The following NUCB1 variants were observed in gnomAD, a reference collection of about 807,000 sequenced individuals.
NUCB1 encodes the protein nucleobindin 1, also known as nucleobindin-1.
Under a neutral mutation model 61.2 loss-of-function variants are expected in NUCB1, and 47 were observed. The observed-to-expected ratio is 0.77, with a 90% CI of 0.61 to 0.98. The LOEUF is 0.98. Among genes scored for constraint, NUCB1 ranks in the 50% least tolerant of loss-of-function variants. The pLI is 0.00. For synonymous variants in NUCB1, 234 were observed against 243.1 expected, an observed-to-expected ratio of 0.96 and a Z score of 0.35; for missense variants, 583 against 605.3, an observed-to-expected ratio of 0.96 and a Z score of 0.39.
At position 48,900,925 on chromosome 19, in the gene NUCB1, G is replaced by C. The variant is rs773180446; in HGVS notation, c.129G>C (p.Glu43Asp). The change falls in exon 2 of 13, where the codon GAG (glutamate) becomes GAC (aspartate). Residue 43 changes from glutamate to aspartate, a missense_variant. Glu to Asp is a conservative substitution (Grantham distance 45). Transcript: ENST00000405315. ...ACAAGGAGGAGACCCCTGCGACTGA[G>C]AGTCCCGTGAGTGGCCCTGCCCTGC... is the stretch of plus-strand genomic sequence containing the variant. The part of the protein sequence containing the change: ...APNKEETPAT[E>D]SPDTGLYYHR... 6.2e-7 allele frequency: 1 copy of C among 1,613,772 alleles called. No homozygotes were observed. The highest frequency in any genetic ancestry group is 1.3e-5 in the African/African-American group (1 of 74,938).
At chr19:48,901,844 C>T (rs2037356230) in intron 2 of NUCB1, among the ~76,000 whole-genome samples, 1 of 152,200 alleles carries the variant, frequency 6.6e-6, no homozygotes, top group Non-Finnish European at 1.5e-5. Context: ...TTCCTGGTCC[C>T]CACGCTGCAA....
intron 5 of NUCB1, among the ~76,000 whole-genome samples, 153 bp downstream of exon 5, chr19:48,911,405 C>CTT (rs1163076168): frequency 5.7e-5 from 6 of 104,434 alleles, no homozygotes; most frequent in East Asian, 2.8e-4. Flanking sequence ...CTTTTCTTTT[C>CTT]TTTTTTTTTT....
At chr19:48,911,695 C>T (rs2037475831) in intron 5 of NUCB1, among the ~76,000 whole-genome samples, 1 of 151,970 alleles carries the variant, frequency 6.6e-6, no homozygotes, top group South Asian at 2.1e-4. Flanking sequence ...TGTCAGCCAC[C>T]GCACCCAGCT....
intron 7 of NUCB1, among the ~76,000 whole-genome samples, chr19:48,915,104 A>G (rs2037524166): frequency 6.6e-6 from 1 of 152,138 alleles, no homozygotes; most frequent in East Asian, 1.9e-4. Context: ...AAAAATAAAA[A>G]TTAAAAGTTA....
intron 2 of NUCB1, among the ~76,000 whole-genome samples, chr19:48,903,747 T>A (rs1443261192): frequency 7.6e-6 from 1 of 131,434 alleles, no homozygotes; most frequent in East Asian, 2.4e-4. Context: ...GATGGGCGGG[T>A]GGATGGATGG....
intron 12 of NUCB1, 106 bp downstream of exon 12, chr19:48,922,038 G>A: frequency 2.2e-6 from 2 of 907,614 alleles, no homozygotes; most frequent in Non-Finnish European, 3.3e-6. Flanking sequence ...AGGGACTGGG[G>A]GCCCAGACTC....
At chr19:48,918,902 C>T (rs1351246679) in intron 8 of NUCB1, 118 bp downstream of exon 8, 2 of 1,313,548 alleles carry the variant, frequency 1.5e-6, no homozygotes, top group Admixed American at 1.9e-5. Context: ...CAACTCCCAT[C>T]AGCCCCTGGG....
At chr19:48,909,491 C>T (rs1028302133) in intron 4 of NUCB1, among the ~76,000 whole-genome samples, 1 of 152,040 alleles carries the variant, frequency 6.6e-6, no homozygotes, top group African/African-American at 2.4e-5. Flanking sequence ...AGGTGATCCA[C>T]CCGCCTTGGC....
chr19:48,919,284 G>A lies in NUCB1; in HGVS notation c.1000G>A (p.Glu334Lys), dbSNP rs1568588707. The A allele has an allele frequency of 6.2e-7, 1 of 1,612,452 alleles. No homozygotes were observed. The highest frequency in any genetic ancestry group is 8.5e-7 in the Non-Finnish European group (1 of 1,178,584). ...GTTTGGGGACACCGGGGAGGGCTGG[G>A]AGGTGAGAACATGGGGGATACTCGG... ...KEFGDTGEGWETVEMHPAYTE... is the reference protein window; with the variant it reads ...KEFGDTGEGWKTVEMHPAYTE... The change falls in exon 10 of 13, where the codon GAG becomes AAG. Residue 334 changes from glutamate to lysine, a missense_variant and splice_region_variant. Transcript: ENST00000405315.
Position 48,911,256 on chromosome 19 carries a change from A to G in NUCB1, c.480+4A>G, listed in dbSNP as rs770136062. On this transcript the variant is annotated splice_donor_region_variant and intron_variant, in intron 5 of 12. Coordinates refer to ENST00000405315, the MANE Select transcript of NUCB1 (RefSeq NM_006184.6). ...CCTGGAGCTGCTGATCCAGACGGTAATGGGAGTGGGTCCGGAGGCAGAGGA... is the reference window on the plus strand; with the variant it reads ...CCTGGAGCTGCTGATCCAGACGGTAGTGGGAGTGGGTCCGGAGGCAGAGGA... 4 of 1,607,102 alleles carry G rather than the reference A, an allele frequency of 2.5e-6. No homozygotes were observed. Among genetic ancestry groups the G allele is most frequent in the Non-Finnish European group, 3.4e-6 (4 of 1,173,844 alleles).
At chr19:48,907,662 T>A (rs950552416) in intron 4 of NUCB1, among the ~76,000 whole-genome samples, 5 of 152,136 alleles carry the variant, frequency 3.3e-5, no homozygotes, top group African/African-American at 1.2e-4. Flanking sequence ...GGGATCAGGA[T>A]GTGGATATCT....
In NUCB1 at chr19:48,919,008, T is replaced by G. The variant is rs1387146998; in HGVS notation, c.817-22T>G. On this transcript the variant is annotated intron_variant, in intron 8 of 12. Transcript: ENST00000405315. ...TCGCTGGGGACCTCTCAATGCTGTC[T>G]GCCTCTCGCTTGCTCCTGCAGCTGG... 3 of 1,609,274 alleles carry G rather than the reference T, an allele frequency of 1.9e-6. No individual in the cohort carries two copies. The South Asian group carries it at 3.3e-5, about 18-fold the overall frequency.
At chr19:48,917,791 C>T (rs1025064611) in intron 7 of NUCB1, among the ~76,000 whole-genome samples, 8 of 150,860 alleles carry the variant, frequency 5.3e-5, no homozygotes, top group Non-Finnish European at 7.4e-5. Context: ...CCACCGCACC[C>T]GGCCCAATTT....
At chr19:48,902,438 T>TTTTTG (rs374146313) in intron 2 of NUCB1, among the ~76,000 whole-genome samples, 5 of 138,732 alleles carry the variant, frequency 3.6e-5, no homozygotes, top group African/African-American at 8.6e-5. Context: ...TTTTTTTTTT[T>TTTTTG]ATTTTTGCTG....
chr19:48,920,006 C>T (rs569063958), intron 10 of NUCB1, among the ~76,000 whole-genome samples: 19 of 151,944 alleles, frequency 1.3e-4, no homozygotes, highest in East Asian at 3.9e-4. Context: ...TGGACTCAAG[C>T]GATCCACCTG....
intron 2 of NUCB1, among the ~76,000 whole-genome samples, chr19:48,901,964 T>C (rs2122159934): frequency 6.6e-6 from 1 of 152,278 alleles, no homozygotes; most frequent in South Asian, 2.1e-4. Flanking sequence ...GAGCCGGGCA[T>C]AGTGTTGCCT....
intron 4 of NUCB1, among the ~76,000 whole-genome samples, chr19:48,909,604 C>T (rs1465460530): frequency 1.4e-4 from 21 of 151,984 alleles, no homozygotes; most frequent in Middle Eastern, 3.2e-3. Context: ...TGCAGTGGTG[C>T]GATCTCGGCT....
rs758814032 is a variant in NUCB1 at position 48,921,179 on chromosome 19, C to T, written c.1028C>T (p.Thr343Ile). The change falls in exon 11 of 13, where the codon ACC becomes ATC. Residue 343 changes from threonine to isoleucine, a missense_variant. Thr to Ile is a moderately conservative substitution (Grantham distance 89, BLOSUM62 -1). Coordinates refer to ENST00000405315, the MANE Select transcript of NUCB1 (RefSeq NM_006184.6). ...WETVEMHPAY[T>I]EEELRRFEEE... The stretch of plus-strand genomic sequence containing the variant: ...ACAGTGGAGATGCACCCTGCCTACA[C>T]CGAGGAAGAGCTGAGGCGCTTTGAA... The T allele has an allele frequency of 6.2e-7, 1 of 1,612,462 alleles. No homozygotes were observed. Among genetic ancestry groups the T allele is most frequent in the Admixed American group, 1.7e-5 (1 of 59,976 alleles).
chr19:48,907,663 G>A (rs10415881), intron 4 of NUCB1, among the ~76,000 whole-genome samples: 29,084 of 152,134 alleles, frequency 0.19, 3,604 homozygotes, highest in African/African-American at 0.35. Context: ...GGATCAGGAT[G>A]TGGATATCTT....
Sources: gnomAD v4.1 joint callset for allele counts (sites outside exome capture counted in the v4.1 genomes callset) on GRCh38, gnomAD v4.1.1 for gene constraint, MANE v1.5 for transcripts, NCBI Gene and HGNC (gene_info 2026-07-23, HGNC 2026-07-21) for gene names.